The following ZNF112 variants were observed in gnomAD, a reference collection of about 807,000 sequenced individuals.
The protein encoded by ZNF112 is zinc finger protein 112 (Y14).
Under a neutral mutation model 77.7 loss-of-function variants are expected in ZNF112, and 37 were observed. The observed-to-expected ratio is 0.48, with a 90% CI of 0.37 to 0.63. The LOEUF is 0.63. ZNF112 is among the 20% of genes least tolerant of loss of function. ZNF112 has a pLI of 0.00. For synonymous variants in ZNF112, 333 were observed against 363.6 expected (o/e 0.92, Z 0.96); for missense variants, 950 against 1,077.4 (o/e 0.88, Z 1.66).
At chr19:44,359,626 G>A (rs962923532), upstream of ZNF112, among the ~76,000 whole-genome samples, 1 of 152,030 alleles carries the variant, frequency 6.6e-6, no homozygotes, top group Non-Finnish European at 1.5e-5. Flanking sequence ...GTGGCCTACA[G>A]TTCTTTTTCT....
intron 1 of ZNF112, among the ~76,000 whole-genome samples, chr19:44,366,704 T>G (rs1970908373): frequency 6.7e-6 from 1 of 148,382 alleles, no homozygotes; most frequent in Non-Finnish European, 1.5e-5. Context: ...CCTGTAGGGA[T>G]CAGAAAGAAG....
Position 44,327,515 on chromosome 19 carries a change from T to A in ZNF112, c.2642A>T (p.Lys881Ile), listed in dbSNP as rs767604971. The change falls in exon 4 of 4, where the codon AAA becomes ATA. Residue 881 changes from lysine to isoleucine, a missense_variant. Transcript: ENST00000354340. Reference protein sequence around the residue: ...LIHQRVHSSDKFYKSEDYGKD... With the variant: ...LIHQRVHSSDIFYKSEDYGKD... ...ACCATAGTCTTCGCTTTTATAGAAT[T>A]TATCACTACTATGGACTCTTTGATG... 1.2e-6 allele frequency: 2 copies of A among 1,613,996 alleles called. No individual in the cohort carries two copies. Among genetic ancestry groups the A allele is most frequent in the South Asian group, 1.1e-5 (1 of 91,078 alleles).
At chr19:44,362,074 A>G (rs550615617) in intron 1 of ZNF112, among the ~76,000 whole-genome samples, 128 of 152,336 alleles carry the variant, frequency 8.4e-4, no homozygotes, top group African/African-American at 3.0e-3. Flanking sequence ...AATGAATATG[A>G]ACATACTGAT....
Position 44,329,731 on chromosome 19 carries a change from T to G in ZNF112, c.426A>C (p.Pro142=). 1 of 1,614,120 alleles carries G rather than the reference T, an allele frequency of 6.2e-7. No homozygotes were observed. The highest frequency in any genetic ancestry group is 1.1e-5 in the South Asian group (1 of 91,084). Residue 142 remains proline, a synonymous_variant, in exon 4 of 4, where the codon CCA becomes CCC. Coordinates refer to ENST00000354340, the MANE Select transcript of ZNF112 (RefSeq NM_013380.4). ...AGTTCTTATCTTCAGAAATCTGAAC[T>G]GGTATTCCTGCCCAAACCTGGCCGA... is the stretch of plus-strand genomic sequence containing the variant. The part of the protein sequence containing the change: ...NSLGQVWAGI[P]VQISEDKNYI...
At position 44,331,988 on chromosome 19, in the gene ZNF112, C is replaced by T. The variant is rs370858395; in HGVS notation, c.221-2052G>A. Among the ~76,000 whole-genome samples, 37 of 152,262 alleles carry T rather than the reference C, an allele frequency of 2.4e-4. No homozygotes were observed. In the South Asian group the frequency reaches 5.8e-3, roughly 24 times the overall value. On this transcript the variant is annotated intron_variant, in intron 3 of 3. Transcript: ENST00000354340. Reference sequence around the variant, plus strand: ...CATAGGCAGGGCCTGTGGATTGAGTCTTTCTCATTTTTAAAGTAACTTTTT... The same window carrying T: ...CATAGGCAGGGCCTGTGGATTGAGTTTTTCTCATTTTTAAAGTAACTTTTT...
At position 44,347,662 on chromosome 19, in the gene ZNF112, A is replaced by G. The variant is rs1405947377; in HGVS notation, c.-3-7120T>C. Among the ~76,000 whole-genome samples the G allele has an allele frequency of 2.6e-5, 4 of 151,858 alleles. 1 individual carries two copies. Among genetic ancestry groups the G allele is most frequent in the African/African-American group, 9.6e-5 (4 of 41,456 alleles). Reference sequence around the variant, plus strand: ...TTTTGTAAAATGCAGATGCCTTACCAACAAATAGTTTCCTTTATCTCCCCA... The same window carrying G: ...TTTTGTAAAATGCAGATGCCTTACCGACAAATAGTTTCCTTTATCTCCCCA... On this transcript the variant is annotated intron_variant, in intron 1 of 3. Transcript: ENST00000354340.
Position 44,337,846 on chromosome 19 carries a change from C to A in ZNF112, c.125-1128G>T, listed in dbSNP as rs201969061. ...GTATGTATATACATACACATACACACACACACACACACACACACACACACA... is the reference window on the plus strand; with the variant it reads ...GTATGTATATACATACACATACACAAACACACACACACACACACACACACA... On this transcript the variant is annotated intron_variant, in intron 2 of 3. Transcript: ENST00000354340. 7.0e-4 allele frequency among the ~76,000 whole-genome samples: 9 copies of A among 12,830 alleles called. No individual in the cohort carries two copies. The African/African-American group carries it at 7.4e-3, about 11-fold the overall frequency. 8.4% of individuals were successfully genotyped at this position (12,830 alleles called of 152,430 possible).
upstream of ZNF112, among the ~76,000 whole-genome samples, chr19:44,360,164 G>A (rs1970841240): frequency 6.6e-6 from 1 of 151,704 alleles, no homozygotes; most frequent in South Asian, 2.1e-4. Flanking sequence ...GCTGAGGTGG[G>A]AGAATCGCTT....
At position 44,328,375 on chromosome 19, in the gene ZNF112, C is replaced by T; in HGVS notation, c.1782G>A (p.Gln594=). Reference sequence around the variant, plus strand: ...ATGGTTTTTCTCCAGTGTGAACTCTCTGATGGCCTTGAAGGTATGAATTTC... The same window carrying T: ...ATGGTTTTTCTCCAGTGTGAACTCTTTGATGGCCTTGAAGGTATGAATTTC... The part of the protein sequence containing the change: ...FSRNSYLQGH[Q]RVHTGEKPYK... The change falls in exon 4 of 4, where the codon CAG becomes CAA. Residue 594 remains glutamine (Q), a synonymous_variant. Transcript: ENST00000354340. 1 of 1,614,024 alleles carries T rather than the reference C, an allele frequency of 6.2e-7. No homozygotes were observed. The highest frequency in any genetic ancestry group is 8.5e-7 in the Non-Finnish European group (1 of 1,179,980).
intron 1 of ZNF112, among the ~76,000 whole-genome samples, chr19:44,365,169 G>A (rs1269212091): frequency 1.3e-5 from 2 of 151,884 alleles, no homozygotes; most frequent in Non-Finnish European, 2.9e-5. Context: ...TATATATCAG[G>A]CCAGGCAGGT....
At chr19:44,347,484 G>GTTT (rs1659708770) in intron 1 of ZNF112, among the ~76,000 whole-genome samples, 2 of 34,742 alleles carry the variant, frequency 5.8e-5, no homozygotes, top group African/African-American at 1.0e-4. Flanking sequence ...CTTTTGGGTT[G>GTTT]ATTTTTTTTT....
chr19:44,352,035 C>T (rs576942574), intron 1 of ZNF112, among the ~76,000 whole-genome samples: 24 of 151,840 alleles, frequency 1.6e-4, no homozygotes, highest in Non-Finnish European at 3.1e-4. Context: ...ATGGAAAAGG[C>T]AATGGGGTTG....
rs10418432 is a variant in ZNF112 at position 44,336,024 on chromosome 19, G to A, written c.220+599C>T. On this transcript the variant is annotated intron_variant, in intron 3 of 3. Transcript: ENST00000354340. Reference sequence around the variant, plus strand: ...TGGGAGGATAAGAAGATGGACATATGAATACAAGGGTGTCTCACTTGAAAA... The same window carrying A: ...TGGGAGGATAAGAAGATGGACATATAAATACAAGGGTGTCTCACTTGAAAA... 9.5e-3 allele frequency among the ~76,000 whole-genome samples: 1,450 copies of A among 152,328 alleles called. 25 individuals carry two copies. Among genetic ancestry groups the A allele is most frequent in the African/African-American group, 0.033 (1,365 of 41,576 alleles).
At chr19:44,338,747 G>A (rs1449537420) in intron 2 of ZNF112, among the ~76,000 whole-genome samples, 3 of 152,162 alleles carry the variant, frequency 2.0e-5, no homozygotes, top group Non-Finnish European at 4.4e-5. Context: ...TCCTGTTCTG[G>A]AGGGAGAAAA....
rs1382300123 is a variant in ZNF112 at position 44,350,191 on chromosome 19, T to C, written c.-4+6435A>G. ...ATTTAAAGCCTATGGTTACTCATTGTATTCTTCATCAGCAGGTACTTTGCA... is the reference window on the plus strand; with the variant it reads ...ATTTAAAGCCTATGGTTACTCATTGCATTCTTCATCAGCAGGTACTTTGCA... On this transcript the variant is annotated intron_variant, in intron 1 of 3. Transcript: ENST00000354340. 2.6e-5 allele frequency among the ~76,000 whole-genome samples: 4 copies of C among 152,112 alleles called. No individual in the cohort carries two copies. The South Asian group carries it at 6.2e-4, about 24-fold the overall frequency.
chr19:44,360,004 C>T (rs1190339357), upstream of ZNF112, among the ~76,000 whole-genome samples: 1 of 151,956 alleles, frequency 6.6e-6, no homozygotes, highest in Non-Finnish European at 1.5e-5. Context: ...TGCCTGTAAT[C>T]CCAGCACTTT....
intron 3 of ZNF112, among the ~76,000 whole-genome samples, chr19:44,334,211 A>C (rs1970323294): frequency 6.6e-6 from 1 of 152,206 alleles, no homozygotes; most frequent in Non-Finnish European, 1.5e-5. Context: ...AGATCTGTGG[A>C]ACTTTGAACT....
At chr19:44,359,784 A>C (rs1470568981), upstream of ZNF112, among the ~76,000 whole-genome samples, 1 of 152,210 alleles carries the variant, frequency 6.6e-6, no homozygotes, top group Non-Finnish European at 1.5e-5. Context: ...CATAGATAAA[A>C]GACTGTGGCA....
intron 1 of ZNF112, among the ~76,000 whole-genome samples, chr19:44,363,630 G>C (rs150485567): frequency 1.2e-4 from 18 of 152,284 alleles, no homozygotes; most frequent in African/African-American, 4.1e-4. Flanking sequence ...ATTTGATCCT[G>C]AAGTGATGTT....
Sources: allele counts gnomAD v4.1 joint callset (sites outside exome capture counted in the v4.1 genomes callset), GRCh38; gene constraint gnomAD v4.1.1; transcripts MANE v1.5; gene names NCBI Gene and HGNC (gene_info 2026-07-23, HGNC 2026-07-21).